The following EMC4 variants were observed in gnomAD, a reference collection of about 807,000 sequenced individuals.
EMC4 encodes the protein ER membrane protein complex subunit 4.
A neutral mutation model predicts 24.2 loss-of-function variants in EMC4; 9 were observed. The observed-to-expected ratio is 0.37, with a 90% CI of 0.22 to 0.65. The LOEUF (loss-of-function observed/expected upper bound fraction) is 0.65, where lower values mean the gene tolerates loss of function less well. Among genes scored for constraint, EMC4 ranks in the 30% least tolerant of loss-of-function variants. The pLI, the probability that EMC4 is intolerant of heterozygous loss-of-function variation, is 0.59. For synonymous variants in EMC4, 86 were observed against 81.1 expected, an observed-to-expected ratio of 1.06 and a Z score of -0.32; for missense variants, 169 against 234.6, an observed-to-expected ratio of 0.72 and a Z score of 1.83.
At position 34,227,676 on chromosome 15, in the gene EMC4, T is replaced by C. The variant is rs376558835; in HGVS notation, c.202-17T>C. 4.8e-5 allele frequency: 77 copies of C among 1,610,324 alleles called. No individual in the cohort carries two copies. The African/African-American group carries it at 9.2e-4, about 19-fold the overall frequency. On this transcript the variant is annotated splice_polypyrimidine_tract_variant and intron_variant, in intron 2 of 4. Transcript: ENST00000267750. ...AGGGTAGTGATCAGAGGGTTAAAAT[T>C]GTGTGTTTTGTTTTAGCGCTGCTGG...
In EMC4 at chr15:34,227,803, GATGGCCTGGCGACCCATTCAGGCACTT is replaced by G; in HGVS notation, c.319_345del (p.Trp107_Ala115del). ...TCTTCCCTACTATGATGGTGTGTATGATGGCCTGGCGACCCATTCAGGCACTTATGGCCATTTCAGCCAGTAAGTATT... is the reference window on the plus strand; with the variant it reads ...TCTTCCCTACTATGATGGTGTGTATGATGGCCATTTCAGCCAGTAAGTATT... On this transcript the variant is annotated inframe_deletion, in exon 3 of 5. Coordinates refer to ENST00000267750, the MANE Select transcript of EMC4 (RefSeq NM_016454.4). 6.2e-7 allele frequency: 1 copy of G among 1,614,160 alleles called. No individual in the cohort carries two copies. The highest frequency in any genetic ancestry group is 8.5e-7 in the Non-Finnish European group (1 of 1,180,016).
Position 34,225,188 on chromosome 15 carries a change from G to A in EMC4, c.74G>A (p.Gly25Glu). The change falls in exon 1 of 5, where the codon GGA (glycine) becomes GAA (glutamate). Residue 25 changes from glycine (G) to glutamate (E), a missense_variant. Coordinates refer to ENST00000267750, the MANE Select transcript of EMC4 (RefSeq NM_016454.4). Reference sequence around the variant, plus strand: ...TGGGCCATTGAGCTAAGCGGGCCTGGAGGAGGCAGCAGGTGAGGCACCTGG... The same window carrying A: ...TGGGCCATTGAGCTAAGCGGGCCTGAAGGAGGCAGCAGGTGAGGCACCTGG... ...FKWAIELSGP[G>E]GGSRGRSDRG... 6.4e-7 allele frequency: 1 copy of A among 1,550,882 alleles called. No homozygotes were observed. Among genetic ancestry groups the A allele is most frequent in the Non-Finnish European group, 8.7e-7 (1 of 1,146,630 alleles).
At chr15:34,228,690 T>A in intron 4 of EMC4, 101 bp downstream of exon 4, 21 of 530,152 alleles carry the variant, frequency 4.0e-5, no homozygotes, top group Non-Finnish European at 5.7e-5. Flanking sequence ...GAGTTTCTTT[T>A]TTTTTTTTTT....
intron 4 of EMC4, 57 bp from the exon 5 acceptor site, chr15:34,229,695 GA>G: frequency 5.3e-6 from 5 of 948,610 alleles, no homozygotes; most frequent in Non-Finnish European, 4.9e-6. Context: ...ATTGATTCAG[GA>G]AGTTATTTTA....
chr15:34,225,025 G>T lies in EMC4; in HGVS notation c.-90G>T. On this transcript the variant is annotated 5_prime_UTR_variant, in exon 1 of 5. Coordinates refer to ENST00000267750, the MANE Select transcript of EMC4 (RefSeq NM_016454.4). Reference sequence around the variant, plus strand: ...TTCACGCGCCGGAAGTGCATTTGCAGAGTGAGACAAAGCGGAGAACGCTGG... The same window carrying T: ...TTCACGCGCCGGAAGTGCATTTGCATAGTGAGACAAAGCGGAGAACGCTGG... The T allele has an allele frequency of 9.1e-7, 1 of 1,098,456 alleles. No homozygotes were observed. The highest frequency in any genetic ancestry group is 1.3e-5 in the South Asian group (1 of 74,838). 68.0% of individuals were successfully genotyped at this position (1,098,456 alleles called of 1,614,324 possible).
In EMC4 at chr15:34,229,910, C is replaced by T. The variant is rs201628991; in HGVS notation, c.*122C>T. ...TTATGTTAAAAAGAACCAAAAGACT[C>T]TTTTCTCCATGGTGGGGTGACAGGT... On this transcript the variant is annotated 3_prime_UTR_variant, in exon 5 of 5. Coordinates refer to ENST00000267750, the MANE Select transcript of EMC4 (RefSeq NM_016454.4). 3 of 847,588 alleles carry T rather than the reference C, an allele frequency of 3.5e-6. No individual in the cohort carries two copies. Among genetic ancestry groups the T allele is most frequent in the Middle Eastern group, 2.4e-4 (1 of 4,088 alleles). The allele number at this position is 847,588 out of a possible 1,614,324, so 52.5% of individuals were successfully genotyped here.
At chr15:34,225,335 C>T (rs900438613) in intron 1 of EMC4, 135 bp downstream of exon 1, 9 of 887,326 alleles carry the variant, frequency 1.0e-5, no homozygotes, top group Middle Eastern at 2.3e-4. Flanking sequence ...AGCGGCTTTT[C>T]TGCCGTGGAA....
intron 4 of EMC4, 172 bp downstream of exon 4, chr15:34,228,761 G>GGGTTCAA: frequency 2.0e-6 from 1 of 495,404 alleles, no homozygotes; most frequent in African/African-American, 2.1e-5. Context: ...GCATGATCTC[G>GGGTTCAA]GCAACCTCCG....
At chr15:34,227,605 T>C in intron 2 of EMC4, 88 bp from the exon 3 acceptor site, 1 of 1,411,174 alleles carries the variant, frequency 7.1e-7, no homozygotes, top group Non-Finnish European at 9.9e-7. Flanking sequence ...AGTTGGGAAT[T>C]CCGTTCATGT....
At chr15:34,228,240 A>G in intron 3 of EMC4, 189 bp from the exon 4 acceptor site, 1 of 608,304 alleles carries the variant, frequency 1.6e-6, no homozygotes, top group Middle Eastern at 4.4e-4. Context: ...TAACAGGTAT[A>G]TAGGGGAGTG....
intron 2 of EMC4, chr15:34,225,889 G>A (rs1405106242): frequency 7.6e-6 from 4 of 524,542 alleles, no homozygotes; most frequent in South Asian, 6.5e-5. Flanking sequence ...ATCTTTTGGT[G>A]GCAACATCTT....
chr15:34,225,709 C>A, intron 2 of EMC4, 59 bp downstream of exon 2: 1 of 1,292,408 alleles, frequency 7.7e-7, no homozygotes, highest in Non-Finnish European at 1.1e-6. Context: ...CACACTCATC[C>A]TCTTCTCCTA....
At chr15:34,228,173 A>G in intron 3 of EMC4, 1 of 487,950 alleles carries the variant, frequency 2.0e-6, no homozygotes, top group Non-Finnish European at 3.7e-6. Flanking sequence ...ACAGAACGAG[A>G]CTCCATCTCA....
Position 34,229,836 on chromosome 15 carries a change from A to C in EMC4, c.*48A>C. The C allele has an allele frequency of 6.3e-7, 1 of 1,598,264 alleles. No individual in the cohort carries two copies. The highest frequency in any genetic ancestry group is 8.6e-7 in the Non-Finnish European group (1 of 1,165,628). On this transcript the variant is annotated 3_prime_UTR_variant, in exon 5 of 5. Transcript: ENST00000267750. Reference sequence around the variant, plus strand: ...CCCTATGTATTTGGGTCTTATTTACATCCTTCTTTAAGCCCAGTGGCTCCT... The same window carrying C: ...CCCTATGTATTTGGGTCTTATTTACCTCCTTCTTTAAGCCCAGTGGCTCCT...
In EMC4 at chr15:34,225,109, G is replaced by A. The variant is rs762701836; in HGVS notation, c.-6G>A. The A allele has an allele frequency of 3.2e-6, 5 of 1,551,496 alleles. No individual in the cohort carries two copies. Among genetic ancestry groups the A allele is most frequent in the Middle Eastern group, 1.7e-4 (1 of 5,990 alleles). On this transcript the variant is annotated 5_prime_UTR_variant, in exon 1 of 5. Coordinates refer to ENST00000267750, the MANE Select transcript of EMC4 (RefSeq NM_016454.4). ...AGCATCGAGGCTATAGGACGCAGCT[G>A]TTGCCATGACGGCCCAGGGGGGCCT...
In EMC4 at chr15:34,225,621, C is replaced by T. The variant is rs1194245175; in HGVS notation, c.172C>T (p.Gln58Ter). 1 of 1,614,014 alleles carries T rather than the reference C, an allele frequency of 6.2e-7. No homozygotes were observed. The highest frequency in any genetic ancestry group is 8.5e-7 in the Non-Finnish European group (1 of 1,179,950). The change falls in exon 2 of 5, where the codon CAA (glutamine) becomes TAA (stop). Residue 58 changes from glutamine (Q) to a stop codon, truncating the protein, a stop_gained. Transcript: ENST00000267750. LOFTEE classifies it high-confidence loss of function. The stretch of plus-strand genomic sequence containing the variant: ...CAAGCAAGTGCCTGATACCAGCGTG[C>T]AAGAGACAGACCGGATCCTGGTGGA... ...LDKQVPDTSV[Q>*]ETDRILVEKR...
intron 1 of EMC4, 95 bp downstream of exon 1, chr15:34,225,295 G>A (rs907751071): frequency 1.8e-6 from 2 of 1,133,676 alleles, no homozygotes; most frequent in Admixed American, 2.8e-5. Flanking sequence ...TGAAAAAGAT[G>A]GGTGGCACAC....
chr15:34,225,346 G>C, intron 1 of EMC4, 146 bp downstream of exon 1: 2 of 845,334 alleles, frequency 2.4e-6, no homozygotes, highest in Middle Eastern at 2.3e-4. Context: ...TGCCGTGGAA[G>C]TTTCTCTGCT....
At position 34,228,580 on chromosome 15, in the gene EMC4, G is replaced by GC. The variant is rs764053320; in HGVS notation, c.512dup (p.Glu172Ter). On this transcript the variant is annotated frameshift_variant, in exon 4 of 5. Transcript: ENST00000267750. LOFTEE classifies it high-confidence loss of function. ...CATCGGATTGGTTAGCCTTCATTGA[G>GC]CCCCCTGAGGTAAGGCAAAAGAAAA... The GC allele has an allele frequency of 5.6e-6, 9 of 1,611,812 alleles. No individual in the cohort carries two copies. The East Asian group carries it at 1.8e-4, about 32-fold the overall frequency.
Sources: gnomAD v4.1 joint callset for allele counts on GRCh38, gnomAD v4.1.1 for gene constraint, MANE v1.5 for transcripts, NCBI Gene and HGNC (gene_info 2026-07-23, HGNC 2026-07-21) for gene names.